The following POLE variants were observed in gnomAD, a reference collection of about 807,000 sequenced individuals.
The protein encoded by POLE is DNA polymerase epsilon, catalytic subunit, also known as DNA polymerase epsilon catalytic subunit A.
POLE carries 188 observed loss-of-function variants against 279.2 expected under a neutral mutation model. That is an observed-to-expected ratio of 0.67 (90% CI 0.60 to 0.76). The LOEUF (loss-of-function observed/expected upper bound fraction) is 0.76. Ranked by LOEUF, POLE falls within the 30% of genes least tolerant of loss-of-function variation. The probability of loss-of-function intolerance (pLI) is 0.00; values close to 1 mark genes in which losing one functional copy is unlikely to be tolerated. For synonymous variants in POLE, 1,214 were observed against 1,172.5 expected, an observed-to-expected ratio of 1.04 and a Z score of -0.72; for missense variants, 2,703 against 3,016.7, an observed-to-expected ratio of 0.90 and a Z score of 2.44.
At chr12:132,650,133 C>A in intron 29 of POLE, 1 of 503,544 alleles carries the variant, frequency 2.0e-6, no homozygotes, top group Non-Finnish European at 3.6e-6. Context: ...CACTTGAACC[C>A]AGGAGTTGGA....
chr12:132,644,433 G>A (rs558473478), intron 32 of POLE, among the ~76,000 whole-genome samples: 2 of 132,580 alleles, frequency 1.5e-5, no homozygotes, highest in African/African-American at 6.0e-5. Flanking sequence ...AACTGCAGGT[G>A]TGAGCCACTA....
In POLE at chr12:132,661,680, C is replaced by G. The variant is rs1332965505; in HGVS notation, c.2711G>C (p.Gly904Ala). The stretch of plus-strand genomic sequence containing the variant: ...CTCCTGGTACTGGTCATTGGTGAAG[C>G]CTTCCTGAGAAACAAGAGTGAAGAG... ...GAMLNIMVKE[G>A]FTNDQYQELA... The change falls in exon 24 of 49, where the codon GGC (glycine) becomes GCC (alanine). Residue 904 changes from glycine to alanine, a missense_variant. Around this residue, in one of 5 missense-constraint regions of POLE, gnomAD observed 101 missense variants for 115.4 expected, o/e 0.87. Coordinates refer to ENST00000320574, the MANE Select transcript of POLE (RefSeq NM_006231.4). The surrounding 1 kb of genome is among the most constrained non-coding windows in gnomAD (Gnocchi z 4.1). The G allele has an allele frequency of 6.8e-6, 11 of 1,613,482 alleles. No homozygotes were observed. The highest frequency in any genetic ancestry group is 7.6e-6 in the Non-Finnish European group (9 of 1,179,826).
At chr12:132,685,261 TCA>T (rs2043234510) in intron 1 of POLE, among the ~76,000 whole-genome samples, 2 of 148,364 alleles carry the variant, frequency 1.3e-5, no homozygotes, top group African/African-American at 5.0e-5. Context: ...AGGCTCTCAT[TCA>T]CAGAGAGCTA....
intron 32 of POLE, among the ~76,000 whole-genome samples, chr12:132,647,398 C>T (rs989134485): frequency 5.3e-5 from 8 of 151,740 alleles, no homozygotes; most frequent in African/African-American, 1.9e-4. Context: ...TTGCCATGCC[C>T]TACCTTGAAA....
Position 132,624,578 on chromosome 12 carries a change from G to T in POLE, c.*119C>A. 1.3e-6 allele frequency: 1 copy of T among 743,048 alleles called. No homozygotes were observed. Among genetic ancestry groups the T allele is most frequent in the Non-Finnish European group, 2.5e-6 (1 of 403,742 alleles). The allele number at this position is 743,048 out of a possible 1,614,324, so 46.0% of individuals were successfully genotyped here. A position where few individuals can be genotyped will look rare whatever the true frequency, so the allele number is the denominator to read the frequency against. ...TGGTTTCCTCCCCGTTCCCTGGCCT[G>T]GGGTCACAGGTTTGGACAGTCAGGG... On this transcript the variant is annotated 3_prime_UTR_variant, in exon 49 of 49. Transcript: ENST00000320574.
At position 132,687,324 on chromosome 12, in the gene POLE, T is replaced by G; in HGVS notation, c.-9A>C. ...CCGCTCCTCAGAGACATGGAGCCGT[T>G]GGCTACCACCTCTGCTTCAGGGGAG... On this transcript the variant is annotated 5_prime_UTR_variant, in exon 1 of 49. Coordinates refer to ENST00000320574, the MANE Select transcript of POLE (RefSeq NM_006231.4). The G allele has an allele frequency of 6.7e-7, 1 of 1,498,784 alleles. No homozygotes were observed. The highest frequency in any genetic ancestry group is 8.9e-7 in the Non-Finnish European group (1 of 1,123,122). 92.8% of individuals were successfully genotyped at this position (1,498,784 alleles called of 1,614,324 possible).
intron 43 of POLE, 150 bp from the exon 44 acceptor site, chr12:132,632,945 A>T (rs1359435218): frequency 3.8e-6 from 3 of 793,770 alleles, no homozygotes; most frequent in African/African-American, 3.5e-5. Flanking sequence ...AGATGAGCTA[A>T]AAGTAAATTA....
In POLE at chr12:132,639,633, A is replaced by G. The variant is rs186842086; in HGVS notation, c.5379-335T>C. The stretch of plus-strand genomic sequence containing the variant: ...CCGGGGACCCTGACAGGAAGGACAC[A>G]GCAAAGCCACTGCCTAGACATCAGA... On this transcript the variant is annotated intron_variant, in intron 39 of 48. Transcript: ENST00000320574. The surrounding 1 kb of genome is among the most constrained non-coding windows in gnomAD (Gnocchi z 4.7). Among the ~76,000 whole-genome samples, 3 of 152,354 alleles carry G rather than the reference A, an allele frequency of 2.0e-5. No homozygotes were observed. The highest frequency in any genetic ancestry group is 6.5e-5 in the Admixed American group (1 of 15,304).
intron 21 of POLE, 112 bp downstream of exon 21, chr12:132,665,190 C>T: frequency 1.7e-6 from 2 of 1,156,450 alleles, no homozygotes; most frequent in Non-Finnish European, 2.5e-6. Context: ...CTCCAACATT[C>T]CTTGAATCAG....
intron 1 of POLE, among the ~76,000 whole-genome samples, chr12:132,683,470 G>A (rs1230031808): frequency 6.6e-6 from 1 of 152,176 alleles, no homozygotes; most frequent in East Asian, 1.9e-4. Flanking sequence ...AAAACCGTAA[G>A]AGAATAAATT....
At chr12:132,626,090 G>GAA in intron 46 of POLE, 27 bp downstream of exon 46, 1 of 1,569,530 alleles carries the variant, frequency 6.4e-7, no homozygotes, top group Non-Finnish European at 8.6e-7. Context: ...GCTCCACAGT[G>GAA]AAGGGCCCGC....
At chr12:132,659,596 C>T in intron 25 of POLE, 87 bp from the exon 26 acceptor site, 2 of 1,101,758 alleles carry the variant, frequency 1.8e-6, no homozygotes, top group South Asian at 2.8e-5. Flanking sequence ...AGGCCATGCC[C>T]TTCTCTAGCC....
chr12:132,673,577 G>C lies in POLE; in HGVS notation c.1357C>G (p.Gln453Glu), dbSNP rs781360770. ...DMCRMATEQP[Q>E]TLATYSVSDA... is the part of the protein sequence containing the mutation. ...CAGCCGGGATGTGGCTTACGTGCCT[G>C]GGGCTGCTCCGTGGCCATCCGGCAC... Residue 453 changes from glutamine (Q) to glutamate (E), a missense_variant and splice_region_variant, in exon 13 of 49, where the codon CAG becomes GAG. Gln to Glu is a conservative substitution (Grantham distance 29). This residue lies in a region of POLE where 1,011 missense variants were observed against 1,111.7 expected (regional missense o/e 0.91). Transcript: ENST00000320574. 4.2e-5 allele frequency: 67 copies of C among 1,611,728 alleles called. No individual in the cohort carries two copies. The Middle Eastern group carries it at 8.2e-4, about 20-fold the overall frequency.
At chr12:132,625,855 T>C in intron 46 of POLE, 85 bp from the exon 47 acceptor site, 1 of 1,535,410 alleles carries the variant, frequency 6.5e-7, no homozygotes, top group Non-Finnish European at 8.8e-7. Context: ...AGGAAGGGGC[T>C]GTGAGAAGCG....
At chr12:132,673,324 C>T (rs2135997493) in intron 13 of POLE, 47 bp from the exon 14 acceptor site, 1 of 1,360,474 alleles carries the variant, frequency 7.4e-7, no homozygotes, top group Non-Finnish European at 1.1e-6. Context: ...ATCAAGAGCC[C>T]AGGGTCAAGT....
chr12:132,661,928 G>A lies in POLE; in HGVS notation c.2707-244C>T, dbSNP rs1398578391. Among the ~76,000 whole-genome samples the A allele has an allele frequency of 6.6e-6, 1 of 152,190 alleles. No individual in the cohort carries two copies. The highest frequency in any genetic ancestry group is 1.9e-4 in the East Asian group (1 of 5,200). Reference sequence around the variant, plus strand: ...ACAGGCCGTATGCTTCCCTTTACATGACATTTTCGACAAAGCAAAATTATA... The same window carrying A: ...ACAGGCCGTATGCTTCCCTTTACATAACATTTTCGACAAAGCAAAATTATA... On this transcript the variant is annotated intron_variant, in intron 23 of 48. Transcript: ENST00000320574. This position sits in a 1 kb window ranked among gnomAD's most constrained non-coding sequence, Gnocchi z 4.1.
intron 45 of POLE, 149 bp from the exon 46 acceptor site, chr12:132,626,466 C>T (rs907331170): frequency 3.0e-6 from 2 of 672,792 alleles, no homozygotes; most frequent in East Asian, 5.4e-5. Flanking sequence ...GCTGACTTCT[C>T]TACATTAGCA....
chr12:132,653,534 C>A (rs2042468200), intron 29 of POLE, among the ~76,000 whole-genome samples: 1 of 152,116 alleles, frequency 6.6e-6, no homozygotes, highest in African/African-American at 2.4e-5. Context: ...TTATATCTTA[C>A]CTTGGTATCT....
intron 26 of POLE, 174 bp from the exon 27 acceptor site, chr12:132,658,144 A>C: frequency 1.9e-6 from 1 of 530,476 alleles, no homozygotes. Flanking sequence ...TTCCTCGGGG[A>C]GTAACACGTG....
Sources: allele counts gnomAD v4.1 joint callset (sites outside exome capture counted in the v4.1 genomes callset), GRCh38; gene constraint gnomAD v4.1.1; regional missense constraint gnomAD v4.1.1; non-coding constraint Gnocchi (gnomAD v3.1); transcripts MANE v1.5; gene names NCBI Gene and HGNC (gene_info 2026-07-23, HGNC 2026-07-21).